FOXJ3: variants seen among roughly 807,000 people sequenced by gnomAD.
FOXJ3 encodes the protein forkhead box J3.
A neutral mutation model predicts 76.1 loss-of-function variants in FOXJ3; 22 were observed. The ratio of observed to expected loss-of-function variants is 0.29; its 90% CI spans 0.21 to 0.41. The LOEUF (loss-of-function observed/expected upper bound fraction) is 0.41, where lower values mean the gene tolerates loss of function less well. Ranked by LOEUF, FOXJ3 falls within the 10% of genes least tolerant of loss-of-function variation. FOXJ3 has a pLI of 1.00. For synonymous variants in FOXJ3, 269 were observed against 261.2 expected, an observed-to-expected ratio of 1.03 and a Z score of -0.29; for missense variants, 613 against 762.1, an observed-to-expected ratio of 0.80 and a Z score of 2.30.
chr1:42,187,899 AG>A (rs1197080978), intron 11 of FOXJ3, among the ~76,000 whole-genome samples: 1 of 152,206 alleles, frequency 6.6e-6, no homozygotes, highest in African/African-American at 2.4e-5. Flanking sequence ...AAAAGATAAT[AG>A]ATTTCCACTA....
At chr1:42,243,974 C>A (rs1349312429) in intron 4 of FOXJ3, among the ~76,000 whole-genome samples, 3 of 152,106 alleles carry the variant, frequency 2.0e-5, no homozygotes, top group East Asian at 3.9e-4. Context: ...CAAGTATAGT[C>A]TCAGACAACA....
intron 1 of FOXJ3, among the ~76,000 whole-genome samples, chr1:42,323,362 T>G (rs1451199413): frequency 6.6e-6 from 1 of 152,156 alleles, no homozygotes; most frequent in African/African-American, 2.4e-5. Context: ...CAACAAATAT[T>G]TATTAAGCAC....
intron 4 of FOXJ3, among the ~76,000 whole-genome samples, chr1:42,249,649 C>T (rs1209802350): frequency 1.3e-5 from 2 of 152,210 alleles, no homozygotes; most frequent in East Asian, 3.8e-4. Flanking sequence ...AAAAGACAAA[C>T]ATCACTTTTG....
chr1:42,200,917 T>C (rs1646752331), intron 6 of FOXJ3, among the ~76,000 whole-genome samples: 1 of 152,206 alleles, frequency 6.6e-6, no homozygotes, highest in Admixed American at 6.5e-5. Context: ...TATATCAACT[T>C]TGGAAAAACT....
At chr1:42,180,715 C>T (rs1318936963) in intron 12 of FOXJ3, among the ~76,000 whole-genome samples, 1 of 152,028 alleles carries the variant, frequency 6.6e-6, no homozygotes, top group African/African-American at 2.4e-5. Flanking sequence ...AAAATGCCTC[C>T]ATTTAAAAAA....
At chr1:42,287,160 G>A (rs12749088) in intron 2 of FOXJ3, among the ~76,000 whole-genome samples, 10 of 151,550 alleles carry the variant, frequency 6.6e-5, no homozygotes, top group East Asian at 2.0e-4. Context: ...CCAACATGGT[G>A]AAACCCGATC....
chr1:42,302,008 T>A (rs1475916568), intron 2 of FOXJ3, among the ~76,000 whole-genome samples: 1 of 152,170 alleles, frequency 6.6e-6, no homozygotes, highest in East Asian at 1.9e-4. Context: ...TAATATATGT[T>A]GCGTAGGGTC....
At chr1:42,234,053 G>T (rs530212528) in intron 4 of FOXJ3, among the ~76,000 whole-genome samples, 1 of 152,146 alleles carries the variant, frequency 6.6e-6, no homozygotes, top group South Asian at 2.1e-4. Context: ...ATATAGATTT[G>T]GTCTTTTCAC....
chr1:42,281,162 A>T (rs1179210783), intron 2 of FOXJ3, among the ~76,000 whole-genome samples: 1 of 151,932 alleles, frequency 6.6e-6, no homozygotes, highest in Non-Finnish European at 1.5e-5. Context: ...TTTAACAAGG[A>T]TGCATAAATT....
At chr1:42,257,541 T>TCCCA (rs1163758898) in intron 4 of FOXJ3, among the ~76,000 whole-genome samples, 2 of 151,626 alleles carry the variant, frequency 1.3e-5, no homozygotes, top group Admixed American at 1.3e-4. Flanking sequence ...CATGGTGAAA[T>TCCCA]CCCATCTCTA....
At chr1:42,283,555 A>G (rs1557698624) in intron 2 of FOXJ3, among the ~76,000 whole-genome samples, 1 of 152,230 alleles carries the variant, frequency 6.6e-6, no homozygotes, top group Non-Finnish European at 1.5e-5. Flanking sequence ...AAGAAAATAA[A>G]AAGAATAAGA....
At chr1:42,273,137 A>C (rs1054129134) in intron 3 of FOXJ3, among the ~76,000 whole-genome samples, 5 of 152,210 alleles carry the variant, frequency 3.3e-5, no homozygotes, top group Non-Finnish European at 7.3e-5. Context: ...GGATATTTTT[A>C]TAGTTTACAC....
At chr1:42,267,396 G>A (rs549663794) in intron 3 of FOXJ3, among the ~76,000 whole-genome samples, 1 of 152,268 alleles carries the variant, frequency 6.6e-6, no homozygotes, top group South Asian at 2.1e-4. Context: ...TGTAAAGTTT[G>A]TGGTATACTG....
intron 4 of FOXJ3, among the ~76,000 whole-genome samples, chr1:42,261,413 T>A (rs988238966): frequency 6.6e-6 from 1 of 152,050 alleles, no homozygotes; most frequent in African/African-American, 2.4e-5. Flanking sequence ...GTGTTTTTTT[T>A]AATAAAGTGG....
rs1437812601 is a variant in FOXJ3 at position 42,254,895 on chromosome 1, C to A, written c.444+10220G>T. Among the ~76,000 whole-genome samples the A allele has an allele frequency of 1.0e-4, 15 of 150,458 alleles. No individual in the cohort carries two copies. The East Asian group carries it at 2.5e-3, about 25-fold the overall frequency. Reference sequence around the variant, plus strand: ...CGAGTTAATGGGTGCAGCACACCAGCATGGCACATGTACACATATGTAACT... The same window carrying A: ...CGAGTTAATGGGTGCAGCACACCAGAATGGCACATGTACACATATGTAACT... On this transcript the variant is annotated intron_variant, in intron 4 of 12. Transcript: ENST00000361346.
chr1:42,330,039 T>C (rs1656065601), intron 1 of FOXJ3, among the ~76,000 whole-genome samples: 1 of 152,162 alleles, frequency 6.6e-6, no homozygotes, highest in Non-Finnish European at 1.5e-5. Flanking sequence ...TCTGTAAAAC[T>C]ACCGTATTTA....
chr1:42,327,305 A>G (rs1217983523), intron 1 of FOXJ3, among the ~76,000 whole-genome samples: 2 of 152,178 alleles, frequency 1.3e-5, no homozygotes, highest in Non-Finnish European at 2.9e-5. Context: ...TCCTAGCAGA[A>G]AGAGACGCCA....
chr1:42,189,203 T>C lies in FOXJ3; in HGVS notation c.1453+100A>G, dbSNP rs376576261. 4.7e-5 allele frequency: 39 copies of C among 823,992 alleles called. No homozygotes were observed. The East Asian group carries it at 7.5e-4, about 16-fold the overall frequency. 51.0% of individuals were successfully genotyped at this position (823,992 alleles called of 1,614,324 possible). A position where few individuals can be genotyped will look rare whatever the true frequency, so the allele number is the denominator to read the frequency against. On this transcript the variant is annotated intron_variant, in intron 10 of 12. Coordinates refer to ENST00000361346, the MANE Select transcript of FOXJ3 (RefSeq NM_014947.5). The stretch of plus-strand genomic sequence containing the variant: ...TTTACCAACTGCAAAAGAAATGCTA[T>C]ATAAGATGATGTTTATTTCTACTAC...
chr1:42,228,500 A>T (rs1165983486), intron 4 of FOXJ3, among the ~76,000 whole-genome samples: 1 of 151,256 alleles, frequency 6.6e-6, no homozygotes, highest in Non-Finnish European at 1.5e-5. Context: ...AAGTTATCAC[A>T]GCATTCATTT....
Sources: allele counts gnomAD v4.1 joint callset (sites outside exome capture counted in the v4.1 genomes callset), GRCh38; gene constraint gnomAD v4.1.1; transcripts MANE v1.5; gene names NCBI Gene and HGNC (gene_info 2026-07-23, HGNC 2026-07-21).